The following PRKG1 variants were observed in gnomAD, a reference collection of about 807,000 sequenced individuals.
The protein encoded by PRKG1 is cGMP-dependent protein kinase 1.
A neutral mutation model predicts 88.1 loss-of-function variants in PRKG1; 35 were observed. The observed-to-expected ratio is 0.40, with a 90% CI of 0.30 to 0.53. The LOEUF (loss-of-function observed/expected upper bound fraction) is 0.53. PRKG1 is among the 20% of genes least tolerant of loss of function. PRKG1 has a pLI of 0.59. For synonymous variants in PRKG1, 303 were observed against 292.5 expected (o/e 1.04, Z -0.37); for missense variants, 540 against 839.8 (o/e 0.64, Z 4.41).
intron 3 of PRKG1, among the ~76,000 whole-genome samples, chr10:51,687,859 C>T (rs1388993521): frequency 6.6e-6 from 1 of 152,180 alleles, no homozygotes; most frequent in Non-Finnish European, 1.5e-5. Context: ...CTTCCCCAAA[C>T]AACAATAATT....
intron 3 of PRKG1, among the ~76,000 whole-genome samples, chr10:51,482,773 C>T (rs1036808988): frequency 3.9e-5 from 6 of 152,110 alleles, no homozygotes; most frequent in Non-Finnish European, 7.4e-5. Flanking sequence ...AGCAGCTTAA[C>T]TTCTCTAAGC....
At chr10:51,702,219 G>C (rs1841486546) in intron 3 of PRKG1, among the ~76,000 whole-genome samples, 1 of 152,200 alleles carries the variant, frequency 6.6e-6, no homozygotes, top group Non-Finnish European at 1.5e-5. Flanking sequence ...TGACTGTAGA[G>C]TGTGCTTTAG....
In PRKG1 at chr10:52,004,603, A is replaced by G. The variant is rs1319066907; in HGVS notation, c.763-49881A>G. 3.9e-5 allele frequency among the ~76,000 whole-genome samples: 6 copies of G among 152,212 alleles called. No individual in the cohort carries two copies. The East Asian group carries it at 1.2e-3, about 29-fold the overall frequency. The stretch of plus-strand genomic sequence containing the variant: ...AATTTAATTTTCCTTAAAAATGCAT[A>G]GCATGGAATGTCATATTTGGGACTG... On this transcript the variant is annotated intron_variant, in intron 5 of 17. Coordinates refer to ENST00000373980, the MANE Select transcript of PRKG1 (RefSeq NM_006258.4).
In PRKG1 at chr10:51,339,512, A is replaced by T. The variant is rs183889357; in HGVS notation, c.479-128211A>T. 6.2e-4 allele frequency among the ~76,000 whole-genome samples: 95 copies of T among 152,076 alleles called. No individual in the cohort carries two copies. The East Asian group carries it at 0.01, about 17-fold the overall frequency. On this transcript the variant is annotated intron_variant, in intron 2 of 17. Coordinates refer to ENST00000373980, the MANE Select transcript of PRKG1 (RefSeq NM_006258.4). ...ATTTTAATTTTCATTATACATATAT[A>T]TACATTCACTGTAGAAAATTTAGAA...
intron 17 of PRKG1, among the ~76,000 whole-genome samples, chr10:52,293,001 T>C (rs1842290264): frequency 6.6e-6 from 1 of 152,112 alleles, no homozygotes; most frequent in Non-Finnish European, 1.5e-5. Flanking sequence ...TGATTATATA[T>C]ACAGAAAACC....
chr10:52,001,328 G>A (rs1471641604), intron 5 of PRKG1, among the ~76,000 whole-genome samples: 4 of 150,786 alleles, frequency 2.7e-5, no homozygotes, highest in African/African-American at 9.8e-5. Context: ...ACTGTACACT[G>A]CAATTTGCTA....
chr10:52,180,574 T>A lies in PRKG1; in HGVS notation c.1076+18611T>A, dbSNP rs186110253. On this transcript the variant is annotated intron_variant, in intron 9 of 17. Transcript: ENST00000373980. ...ATGTGGGTCTTAGGATGTTGGTTTATAGGAGTGTGTTGACTTTTATTGTAG... is the reference window on the plus strand; with the variant it reads ...ATGTGGGTCTTAGGATGTTGGTTTAAAGGAGTGTGTTGACTTTTATTGTAG... Among the ~76,000 whole-genome samples, 336 of 152,302 alleles carry A rather than the reference T, an allele frequency of 2.2e-3. 1 individual carries two copies. Among genetic ancestry groups the A allele is most frequent in the African/African-American group, 7.1e-3 (296 of 41,576 alleles).
intron 1 of PRKG1, among the ~76,000 whole-genome samples, chr10:51,134,622 A>G (rs778111202): frequency 1.9e-4 from 29 of 152,150 alleles, no homozygotes; most frequent in East Asian, 9.6e-4. Context: ...CTCCTTTTCT[A>G]TCGTAGATTT....
intron 3 of PRKG1, chr10:51,698,968 C>T (rs1841387817): frequency 6.2e-7 from 1 of 1,614,146 alleles, no homozygotes; most frequent in Admixed American, 1.7e-5. Context: ...TGACATGTAT[C>T]TTCCGATGCA....
Position 51,169,555 on chromosome 10 carries a change from C to A in PRKG1, c.478+16225C>A, listed in dbSNP as rs566384787. On this transcript the variant is annotated intron_variant, in intron 2 of 17. Transcript: ENST00000373980. ...AAAAAGACAGCTCTTATGAGGTAAG[C>A]AACATTGGAAGATAAAAGGCTTACT... Among the ~76,000 whole-genome samples the A allele has an allele frequency of 3.7e-4, 55 of 146,842 alleles. 1 individual carries two copies. In the Middle Eastern group the frequency reaches 0.014, roughly 37 times the overall value.
At chr10:51,359,487 A>G (rs1016395458) in intron 2 of PRKG1, among the ~76,000 whole-genome samples, 1 of 151,714 alleles carries the variant, frequency 6.6e-6, no homozygotes, top group African/African-American at 2.4e-5. Flanking sequence ...TACAGGGTCC[A>G]TTATTATTAT....
rs1307399000 is a variant in PRKG1 at position 51,322,595 on chromosome 10, A to G, written c.479-145128A>G. ...CACTTTCACTAGCATACGTTCTAGC[A>G]TTTTCTGAGGCCTATGTGCCAAGAA... On this transcript the variant is annotated intron_variant, in intron 2 of 17. Transcript: ENST00000373980. 3.3e-5 allele frequency among the ~76,000 whole-genome samples: 5 copies of G among 152,200 alleles called. No homozygotes were observed. The East Asian group carries it at 5.8e-4, about 18-fold the overall frequency.
intron 3 of PRKG1, among the ~76,000 whole-genome samples, chr10:51,682,943 G>A (rs1287062863): frequency 6.6e-6 from 1 of 152,148 alleles, no homozygotes; most frequent in Admixed American, 6.5e-5. Context: ...TTCTACCTCT[G>A]CAACTTGACT....
intron 1 of PRKG1, among the ~76,000 whole-genome samples, chr10:51,130,841 G>T (rs1845548514): frequency 6.6e-6 from 1 of 152,052 alleles, no homozygotes; most frequent in African/African-American, 2.4e-5. Context: ...GGCAGAGGTT[G>T]CAGTGAGCCG....
intron 3 of PRKG1, among the ~76,000 whole-genome samples, chr10:51,726,854 G>A (rs1392892662): frequency 1.3e-5 from 2 of 152,160 alleles, no homozygotes; most frequent in Non-Finnish European, 2.9e-5. Flanking sequence ...TCCTCTCACT[G>A]CAAGCTCCGC....
intron 3 of PRKG1, among the ~76,000 whole-genome samples, chr10:51,651,463 TC>T (rs1840036990): frequency 6.6e-6 from 1 of 152,090 alleles, no homozygotes; most frequent in African/African-American, 2.4e-5. Context: ...CTAGGAAGTC[TC>T]CTTTGATTTT....
chr10:51,852,480 A>G (rs1035985467), intron 4 of PRKG1, among the ~76,000 whole-genome samples: 1 of 152,026 alleles, frequency 6.6e-6, no homozygotes, highest in African/African-American at 2.4e-5. Context: ...ATTGAGCTCT[A>G]AAACATAGCA....
intron 9 of PRKG1, among the ~76,000 whole-genome samples, chr10:52,232,181 T>TA (rs1426453989): frequency 6.6e-6 from 1 of 151,998 alleles, no homozygotes; most frequent in East Asian, 1.9e-4. Flanking sequence ...TGGGCGCCTG[T>TA]AGTCCCAGCT....
intron 3 of PRKG1, among the ~76,000 whole-genome samples, chr10:51,710,460 C>T (rs895824750): frequency 5.9e-5 from 9 of 152,118 alleles, no homozygotes; most frequent in Admixed American, 2.0e-4. Context: ...AGTGGCATTC[C>T]ACTCAAAGTC....
Sources: allele counts gnomAD v4.1 joint callset (sites outside exome capture counted in the v4.1 genomes callset), GRCh38; gene constraint gnomAD v4.1.1; transcripts MANE v1.5; gene names NCBI Gene and HGNC (gene_info 2026-07-23, HGNC 2026-07-21).